Variants in TAOK3 observed in about 807,000 individuals in gnomAD.
TAOK3 encodes the protein TAO kinase 3, also known as serine/threonine-protein kinase TAO3.
A neutral mutation model predicts 120.4 loss-of-function variants in TAOK3; 40 were observed. The observed-to-expected ratio is 0.33, with a 90% CI of 0.26 to 0.43. The LOEUF (loss-of-function observed/expected upper bound fraction) is 0.43, where lower values mean the gene tolerates loss of function less well. TAOK3 is among the 20% of genes least tolerant of loss of function. TAOK3 has a pLI of 1.00. For missense variants in TAOK3, 821 were observed against 1,112.1 expected (o/e 0.74, Z 3.72); for synonymous variants, 355 against 387.5 (o/e 0.92, Z 0.99).
At chr12:118,242,269 G>C (rs574942743) in intron 5 of TAOK3, among the ~76,000 whole-genome samples, 1 of 152,262 alleles carries the variant, frequency 6.6e-6, no homozygotes, top group Non-Finnish European at 1.5e-5. Flanking sequence ...TAGACAATGA[G>C]ATATGTCTTT....
In TAOK3 at chr12:118,157,263, C is replaced by T. The variant is rs192023329; in HGVS notation, c.2352+2883G>A. ...TCCTAATATCCATTCTTCCCATCTC[C>T]CAGGCCATTCTCCATGTCACCAGAG... On this transcript the variant is annotated intron_variant, in intron 19 of 20. Coordinates refer to ENST00000392533, the MANE Select transcript of TAOK3 (RefSeq NM_016281.4). 2.7e-3 allele frequency among the ~76,000 whole-genome samples: 406 copies of T among 152,302 alleles called. 1 individual carries two copies. The highest frequency in any genetic ancestry group is 4.5e-3 in the Non-Finnish European group (303 of 68,036).
intron 1 of TAOK3, among the ~76,000 whole-genome samples, chr12:118,363,810 G>A (rs1485299237): frequency 6.6e-6 from 1 of 151,850 alleles, no homozygotes; most frequent in Non-Finnish European, 1.5e-5. Flanking sequence ...CACACAAACA[G>A]GCTGATAGGA....
At chr12:118,172,363 G>T (rs149524910) in intron 17 of TAOK3, 94 bp downstream of exon 17, 189 of 1,344,698 alleles carry the variant, frequency 1.4e-4, no homozygotes, top group Non-Finnish European at 1.9e-4. Context: ...GAAAGGCTAG[G>T]GATATAGGAA....
At chr12:118,343,588 AG>A (rs909786070) in intron 1 of TAOK3, among the ~76,000 whole-genome samples, 13 of 152,216 alleles carry the variant, frequency 8.5e-5, no homozygotes, top group African/African-American at 2.4e-4. Context: ...TGCAAACTGC[AG>A]AATAAAGTAT....
chr12:118,221,888 C>T (rs2039252643), intron 9 of TAOK3, among the ~76,000 whole-genome samples: 1 of 151,890 alleles, frequency 6.6e-6, no homozygotes, highest in Non-Finnish European at 1.5e-5. Flanking sequence ...CCCGCCTCGG[C>T]CTCCTAAAGT....
chr12:118,278,826 A>G (rs899236636), intron 1 of TAOK3, among the ~76,000 whole-genome samples: 21 of 151,720 alleles, frequency 1.4e-4, no homozygotes, highest in African/African-American at 5.1e-4. Flanking sequence ...TTATTTTTTG[A>G]GATGCTGTCT....
At chr12:118,182,853 A>G (rs539368142) in intron 14 of TAOK3, among the ~76,000 whole-genome samples, 1 of 152,042 alleles carries the variant, frequency 6.6e-6, no homozygotes, top group Admixed American at 6.6e-5. Context: ...TTGGAAGGCT[A>G]CTTTTCTTAG....
intron 1 of TAOK3, among the ~76,000 whole-genome samples, chr12:118,333,390 TA>T (rs2044231219): frequency 1.3e-5 from 2 of 152,138 alleles, no homozygotes; most frequent in South Asian, 4.1e-4. Context: ...ATGCATGAGT[TA>T]AAAAAGAAGT....
At chr12:118,352,710 C>T (rs1335524614) in intron 1 of TAOK3, among the ~76,000 whole-genome samples, 1 of 151,862 alleles carries the variant, frequency 6.6e-6, no homozygotes, top group Admixed American at 6.6e-5. Flanking sequence ...GGTTACTGAT[C>T]TTATCTTATT....
Position 118,151,280 on chromosome 12 carries a change from C to T in TAOK3, c.2536-122G>A, listed in dbSNP as rs559329887. 189 of 486,718 alleles carry T rather than the reference C, an allele frequency of 3.9e-4. 2 individuals carry two copies. The African/African-American group carries it at 4.3e-3, about 11-fold the overall frequency. The allele number at this position is 486,718 out of a possible 1,614,324, so 30.1% of individuals were successfully genotyped here. ...CACACATAGGCACACACATGAAGTG[C>T]GCGCGCGCGCACACACACACACACA... On this transcript the variant is annotated intron_variant, in intron 20 of 20. Coordinates refer to ENST00000392533, the MANE Select transcript of TAOK3 (RefSeq NM_016281.4).
intron 1 of TAOK3, among the ~76,000 whole-genome samples, chr12:118,275,664 AT>A (rs1490956934): frequency 1.3e-5 from 2 of 152,232 alleles, no homozygotes; most frequent in African/African-American, 4.8e-5. Context: ...TTTGGCAAAT[AT>A]TTATTAAGTA....
At chr12:118,272,291 C>CAA (rs773516018) in intron 1 of TAOK3, among the ~76,000 whole-genome samples, 10,265 of 63,948 alleles carry the variant, frequency 0.16, 502 homozygotes, top group Middle Eastern at 0.2. Flanking sequence ...GACTCCATCT[C>CAA]AAAAAAAAAA....
chr12:118,238,428 T>G (rs865940496), intron 6 of TAOK3, among the ~76,000 whole-genome samples: 1 of 152,198 alleles, frequency 6.6e-6, no homozygotes, highest in Admixed American at 6.6e-5. Context: ...AATTTACTTA[T>G]CAGTTGCAAG....
chr12:118,227,266 T>C (rs1180367833), intron 9 of TAOK3, among the ~76,000 whole-genome samples: 3 of 132,346 alleles, frequency 2.3e-5, no homozygotes, highest in Non-Finnish European at 4.7e-5. Flanking sequence ...AATATAAAAT[T>C]ATGTTATAAT....
chr12:118,151,315 ACACAGG>A (rs2034417147), intron 20 of TAOK3, among the ~76,000 whole-genome samples, 157 bp from the exon 21 acceptor site: 1 of 151,858 alleles, frequency 6.6e-6, no homozygotes, highest in African/African-American at 2.4e-5. Context: ...ACACACACAC[ACACAGG>A]AACTACGGGA....
chr12:118,340,991 A>ATTTTTTT (rs201372454), intron 1 of TAOK3, among the ~76,000 whole-genome samples: 1 of 146,824 alleles, frequency 6.8e-6, no homozygotes, highest in Non-Finnish European at 1.5e-5. Context: ...TAATATATCT[A>ATTTTTTT]ATTTTTTTTT....
chr12:118,172,072 T>C (rs1261916094), intron 17 of TAOK3, among the ~76,000 whole-genome samples: 1 of 152,238 alleles, frequency 6.6e-6, no homozygotes. Flanking sequence ...TAAATGCACT[T>C]AGTTATAGAG....
At chr12:118,359,584 C>G (rs1300043505) in intron 1 of TAOK3, 1 of 152,164 alleles carries the variant, frequency 6.6e-6, no homozygotes, top group African/African-American at 2.4e-5. Flanking sequence ...AAAGTTAATT[C>G]TCTTTTAAAC....
rs919832943 is a variant in TAOK3, at chr12:118,181,475, C to G, written c.1462G>C (p.Glu488Gln). Reference protein sequence around the residue: ...LENKLKAEMDEHRLKLQKEVE... With the variant: ...LENKLKAEMDQHRLKLQKEVE... ...TCCTTCTGTAGCTTGAGGCGGTGCT[C>G]GTCCATCTCAGCCTTCAGCTTGTTC... The change falls in exon 15 of 21, where the codon GAG (glutamate) becomes CAG (glutamine). Residue 488 changes from glutamate (E) to glutamine (Q), a missense_variant. By Grantham distance (29) the Glu-to-Gln change is conservative (BLOSUM62 2). Coordinates refer to ENST00000392533, the MANE Select transcript of TAOK3 (RefSeq NM_016281.4). 5 of 1,614,206 alleles carry G rather than the reference C, an allele frequency of 3.1e-6. No individual in the cohort carries two copies. Among genetic ancestry groups the G allele is most frequent in the Non-Finnish European group, 4.2e-6 (5 of 1,180,050 alleles).
Sources: gnomAD v4.1 joint callset for allele counts (sites outside exome capture counted in the v4.1 genomes callset) on GRCh38, gnomAD v4.1.1 for gene constraint, MANE v1.5 for transcripts, NCBI Gene and HGNC (gene_info 2026-07-23, HGNC 2026-07-21) for gene names.